The following ADAMTS20 variants were observed in gnomAD, a reference collection of about 807,000 sequenced individuals.
The protein encoded by ADAMTS20 is A disintegrin and metalloproteinase with thrombospondin motifs 20.
Under a neutral mutation model 260.1 loss-of-function variants are expected in ADAMTS20, and 225 were observed. The observed-to-expected ratio is 0.87, with a 90% CI of 0.78 to 0.97. The LOEUF (loss-of-function observed/expected upper bound fraction) is 0.97, where lower values mean the gene tolerates loss of function less well. Ranked by LOEUF, ADAMTS20 falls within the 50% of genes least tolerant of loss-of-function variation. The pLI is 0.00. For missense variants in ADAMTS20, 2,400 were observed against 2,337.7 expected (o/e 1.03, Z -0.55); for synonymous variants, 802 against 769.5 (o/e 1.04, Z -0.70).
chr12:43,370,172 C>T (rs1940076114), intron 36 of ADAMTS20, among the ~76,000 whole-genome samples: 1 of 152,182 alleles, frequency 6.6e-6, no homozygotes, highest in Non-Finnish European at 1.5e-5. Context: ...AGAGGCAATT[C>T]CCAAAGGTAG....
In ADAMTS20 at chr12:43,428,777, C is replaced by CCT; in HGVS notation, c.3510_3511dup (p.Gly1171GlufsTer8). 1 of 1,606,726 alleles carries CCT rather than the reference C, an allele frequency of 6.2e-7. No homozygotes were observed. The highest frequency in any genetic ancestry group is 8.5e-7 in the Non-Finnish European group (1 of 1,175,448). Reference sequence around the variant, plus strand: ...ACAGCTTACATAGCGGGCTTGAGTACCTCTTCCACAAGATACGGAGCACTT... The same window carrying CCT: ...ACAGCTTACATAGCGGGCTTGAGTACCTCTCTTCCACAAGATACGGAGCACTT... On this transcript the variant is annotated frameshift_variant, in exon 25 of 39. Coordinates refer to ENST00000389420, the MANE Select transcript of ADAMTS20 (RefSeq NM_025003.5). LOFTEE classifies it high-confidence loss of function.
chr12:43,431,848 A>G (rs1200936108), intron 21 of ADAMTS20, among the ~76,000 whole-genome samples: 1 of 152,116 alleles, frequency 6.6e-6, no homozygotes, highest in Non-Finnish European at 1.5e-5. Flanking sequence ...TAGTATAAAG[A>G]CAAACTATCT....
chr12:43,426,549 G>C (rs370802871), intron 27 of ADAMTS20, among the ~76,000 whole-genome samples: 1 of 152,128 alleles, frequency 6.6e-6, no homozygotes, highest in Non-Finnish European at 1.5e-5. Context: ...TCCACATTAC[G>C]AAGGAGGTTA....
chr12:43,474,270 T>C (rs2137399792), intron 7 of ADAMTS20, among the ~76,000 whole-genome samples: 1 of 134,448 alleles, frequency 7.4e-6, no homozygotes, highest in African/African-American at 2.8e-5. Context: ...ACACATACAC[T>C]CTCCCAAGAC....
chr12:43,464,217 C>G (rs1392248217), intron 10 of ADAMTS20, among the ~76,000 whole-genome samples: 1 of 152,108 alleles, frequency 6.6e-6, no homozygotes, highest in South Asian at 2.1e-4. Context: ...TAGTTAGATT[C>G]CTGGTGCCTT....
intron 36 of ADAMTS20, among the ~76,000 whole-genome samples, chr12:43,372,353 G>A (rs1940125376): frequency 6.6e-6 from 1 of 152,172 alleles, no homozygotes; most frequent in Non-Finnish European, 1.5e-5. Context: ...TGCTGCTGAT[G>A]CATCATGTAA....
chr12:43,483,151 A>G (rs1002906257), intron 7 of ADAMTS20, among the ~76,000 whole-genome samples: 1 of 152,138 alleles, frequency 6.6e-6, no homozygotes, highest in African/African-American at 2.4e-5. Context: ...AAACTAGAGG[A>G]CAGGTCACAT....
intron 31 of ADAMTS20, among the ~76,000 whole-genome samples, chr12:43,380,004 AC>A (rs1197707520): frequency 6.6e-6 from 1 of 151,944 alleles, no homozygotes; most frequent in Non-Finnish European, 1.5e-5. Flanking sequence ...AAAACTATAG[AC>A]CAGTAGTTCT....
chr12:43,355,196 T>C (rs907414166), intron 38 of ADAMTS20, among the ~76,000 whole-genome samples: 1 of 152,234 alleles, frequency 6.6e-6, no homozygotes, highest in African/African-American at 2.4e-5. Flanking sequence ...AATTTAACTC[T>C]GGAGAATCTG....
chr12:43,516,914 T>C (rs955181460), intron 3 of ADAMTS20, among the ~76,000 whole-genome samples: 3 of 152,028 alleles, frequency 2.0e-5, no homozygotes, highest in South Asian at 2.1e-4. Context: ...TGAGAATCAA[T>C]CACATTCATC....
At chr12:43,390,517 C>A (rs950542208) in intron 29 of ADAMTS20, among the ~76,000 whole-genome samples, 1 of 152,194 alleles carries the variant, frequency 6.6e-6, no homozygotes, top group Non-Finnish European at 1.5e-5. Context: ...AGCCAAGTTG[C>A]ACCTTCAATA....
chr12:43,431,495 C>T lies in ADAMTS20; in HGVS notation c.3098G>A (p.Cys1033Tyr), dbSNP rs753628039. 4.3e-6 allele frequency: 7 copies of T among 1,613,798 alleles called. No homozygotes were observed. In the Admixed American group the frequency reaches 1.0e-4, roughly 23 times the overall value. The stretch of plus-strand genomic sequence containing the variant: ...TGTTCCTTTACCACATGTAACAAGG[C>T]ACTGTAAGAATAAAACTGATCATTA... ...PSWAASEWSE[C>Y]LVTCGKGTKQ... The change falls in exon 22 of 39, where the codon TGC becomes TAC. Residue 1033 changes from cysteine (C) to tyrosine (Y), a missense_variant and splice_region_variant. Transcript: ENST00000389420.
chr12:43,512,507 G>C (rs76918135), intron 3 of ADAMTS20, among the ~76,000 whole-genome samples: 3,603 of 152,112 alleles, frequency 0.024, 66 homozygotes, highest in East Asian at 0.08. Context: ...ACAGTCCTCT[G>C]TGATTTCTCA....
intron 14 of ADAMTS20, among the ~76,000 whole-genome samples, chr12:43,450,860 T>A (rs1941852426): frequency 6.6e-6 from 1 of 152,152 alleles, no homozygotes; most frequent in South Asian, 2.1e-4. Flanking sequence ...CCTCACATAG[T>A]TATCATTTTT....
At chr12:43,524,076 A>G (rs992082830) in intron 3 of ADAMTS20, among the ~76,000 whole-genome samples, 1 of 151,160 alleles carries the variant, frequency 6.6e-6, no homozygotes, top group African/African-American at 2.4e-5. Context: ...CGGCATCTCC[A>G]AGTAAACATT....
At chr12:43,483,153 A>G (rs533037631) in intron 7 of ADAMTS20, among the ~76,000 whole-genome samples, 1 of 152,324 alleles carries the variant, frequency 6.6e-6, no homozygotes, top group East Asian at 1.9e-4. Context: ...ACTAGAGGAC[A>G]GGTCACATCT....
chr12:43,380,679 C>T (rs1289131901), intron 31 of ADAMTS20, among the ~76,000 whole-genome samples: 1 of 152,000 alleles, frequency 6.6e-6, no homozygotes, highest in Non-Finnish European at 1.5e-5. Context: ...AAAAAATACT[C>T]AGGAATAAAT....
intron 28 of ADAMTS20, among the ~76,000 whole-genome samples, chr12:43,411,392 AG>A (rs1316867834): frequency 6.6e-6 from 1 of 151,186 alleles, no homozygotes; most frequent in East Asian, 1.9e-4. Flanking sequence ...TTTCAGACAA[AG>A]TTTCGCTCTT....
chr12:43,434,822 T>C (rs1469478416), intron 18 of ADAMTS20, among the ~76,000 whole-genome samples: 2 of 152,224 alleles, frequency 1.3e-5, no homozygotes, highest in Admixed American at 1.3e-4. Flanking sequence ...CTCTTTCCTG[T>C]TGATTGGCAT....
Sources: allele counts gnomAD v4.1 joint callset (sites outside exome capture counted in the v4.1 genomes callset), GRCh38; gene constraint gnomAD v4.1.1; transcripts MANE v1.5; gene names NCBI Gene and HGNC (gene_info 2026-07-23, HGNC 2026-07-21).